Variants in ZNF560 observed in about 807,000 individuals in gnomAD.
ZNF560 encodes the protein zinc finger protein 560.
In ZNF560, 54 loss-of-function variants were observed where a neutral mutation model predicts 81.8. The observed-to-expected ratio is 0.66, with a 90% confidence interval of 0.53 to 0.83. The LOEUF is 0.83. Among genes scored for constraint, ZNF560 ranks in the 40% least tolerant of loss-of-function variants. The pLI is 0.00. For missense variants in ZNF560, 940 were observed against 932.4 expected (o/e 1.01, Z -0.11); for synonymous variants, 321 against 317.9 (o/e 1.01, Z -0.10).
chr19:9,497,625 G>C (rs929861408), intron 2 of ZNF560, among the ~76,000 whole-genome samples: 1 of 151,248 alleles, frequency 6.6e-6, no homozygotes, highest in Non-Finnish European at 1.5e-5. Context: ...ATTTATTTAC[G>C]AGACGGCGAA....
At chr19:9,463,312 T>G (rs1263610559), downstream of ZNF560, among the ~76,000 whole-genome samples, 1 of 152,194 alleles carries the variant, frequency 6.6e-6, no homozygotes, top group African/African-American at 2.4e-5. Flanking sequence ...TTCTAGGCTG[T>G]GAGACTAGGG....
chr19:9,473,530 A>G (rs2073154753), intron 4 of ZNF560, among the ~76,000 whole-genome samples: 1 of 152,080 alleles, frequency 6.6e-6, no homozygotes, highest in Non-Finnish European at 1.5e-5. Context: ...GTGAGCCGAG[A>G]TCATGCCACT....
At position 9,484,034 on chromosome 19, in the gene ZNF560, G is replaced by A. The variant is rs1021607396; in HGVS notation, c.-56-8665C>T. 7.2e-5 allele frequency among the ~76,000 whole-genome samples: 11 copies of A among 152,232 alleles called. No individual in the cohort carries two copies. The East Asian group carries it at 2.1e-3, about 29-fold the overall frequency. Reference sequence around the variant, plus strand: ...CTGAAACATGTGCTGTGTCCACTCAGGGTTAAATGGATTAAGGGTGGTGCA... The same window carrying A: ...CTGAAACATGTGCTGTGTCCACTCAAGGTTAAATGGATTAAGGGTGGTGCA... On this transcript the variant is annotated intron_variant, in intron 2 of 9. Transcript: ENST00000301480.
At chr19:9,462,130 A>G (rs2072941812), downstream of ZNF560, among the ~76,000 whole-genome samples, 1 of 152,226 alleles carries the variant, frequency 6.6e-6, no homozygotes. Context: ...TGCTGGGAAT[A>G]GGCCCCAAGC....
At chr19:9,493,253 G>A (rs114845678) in intron 2 of ZNF560, among the ~76,000 whole-genome samples, 15,535 of 152,234 alleles carry the variant, frequency 0.1, 952 homozygotes, top group South Asian at 0.2. Context: ...GCTGATTCTG[G>A]CTGAGGGCAA....
intron 2 of ZNF560, among the ~76,000 whole-genome samples, chr19:9,476,939 G>C (rs1329749967): frequency 6.6e-6 from 1 of 152,026 alleles, no homozygotes; most frequent in Admixed American, 6.5e-5. Flanking sequence ...GACATATCAG[G>C]GTAGCTTATA....
intron 8 of ZNF560, 23 bp downstream of exon 8, chr19:9,469,607 G>T: frequency 6.2e-7 from 1 of 1,607,872 alleles, no homozygotes; most frequent in Non-Finnish European, 8.5e-7. Context: ...CATGGACCAG[G>T]GTTGTTCTTC....
At chr19:9,474,157 A>C in intron 4 of ZNF560, 42 bp downstream of exon 4, 2 of 1,611,868 alleles carry the variant, frequency 1.2e-6, no homozygotes, top group Non-Finnish European at 1.7e-6. Context: ...CACAATGTAT[A>C]TCTCTTCCCT....
Position 9,467,235 on chromosome 19 carries a change from G to A in ZNF560, c.1712C>T (p.Pro571Leu), listed in dbSNP as rs894284156. 2 of 1,614,002 alleles carry A rather than the reference G, an allele frequency of 1.2e-6. No individual in the cohort carries two copies. The highest frequency in any genetic ancestry group is 1.3e-5 in the African/African-American group (1 of 74,904). ...KHLRTHAGEKPYECMKCGKAF... is the reference protein window; with the variant it reads ...KHLRTHAGEKLYECMKCGKAF... ...TTTCCCACATTTCATACATTCATAG[G>A]GTTTCTCTCCAGCGTGTGTTCGTAA... is the stretch of plus-strand genomic sequence containing the variant. The change falls in exon 10 of 10, where the codon CCC (proline) becomes CTC (leucine). Residue 571 changes from proline (P) to leucine (L), a missense_variant. Physicochemically the swap from Pro to Leu is moderately conservative, Grantham distance 98 (BLOSUM62 -3). Transcript: ENST00000301480.
chr19:9,472,013 G>A (rs1424539944), intron 5 of ZNF560, among the ~76,000 whole-genome samples: 2 of 152,062 alleles, frequency 1.3e-5, no homozygotes, highest in African/African-American at 2.4e-5. Flanking sequence ...GGGAGGCTGA[G>A]GCAGGAGAAT....
chr19:9,472,899 A>AC (rs1251099681), intron 5 of ZNF560, among the ~76,000 whole-genome samples: 1 of 151,464 alleles, frequency 6.6e-6, no homozygotes, highest in African/African-American at 2.4e-5. Flanking sequence ...CTATGACACC[A>AC]CCCCCAACTT....
At chr19:9,447,090 C>T in the ZNF560 span, among the ~76,000 whole-genome samples, 1,556 of 147,754 alleles carry the variant, frequency 0.011, 14 homozygotes, top group Non-Finnish European at 0.016. Flanking sequence ...GCCAAGATCA[C>T]GCCACTGCAT....
At chr19:9,462,076 G>A (rs1358924613), downstream of ZNF560, among the ~76,000 whole-genome samples, 1 of 152,204 alleles carries the variant, frequency 6.6e-6, no homozygotes, top group Non-Finnish European at 1.5e-5. Context: ...CTGTGATAAA[G>A]CCGCCTTTGC....
chr19:9,451,286 C>T, the ZNF560 span, among the ~76,000 whole-genome samples: 8 of 152,118 alleles, frequency 5.3e-5, no homozygotes, highest in African/African-American at 9.6e-5. Flanking sequence ...ACACATACAC[C>T]AATGGATCAA....
chr19:9,493,462 T>G (rs979952545), intron 2 of ZNF560, among the ~76,000 whole-genome samples: 1 of 152,106 alleles, frequency 6.6e-6, no homozygotes, highest in Non-Finnish European at 1.5e-5. Flanking sequence ...CCTCCCAGAT[T>G]CAAGCCATTC....
chr19:9,460,237 C>G, the ZNF560 span, among the ~76,000 whole-genome samples: 1 of 152,152 alleles, frequency 6.6e-6, no homozygotes, highest in Admixed American at 6.5e-5. Flanking sequence ...CCCCAACTGT[C>G]ACGAGCAACA....
chr19:9,458,004 T>A, the ZNF560 span, among the ~76,000 whole-genome samples: 3 of 152,210 alleles, frequency 2.0e-5, no homozygotes, highest in African/African-American at 7.2e-5. Flanking sequence ...CTACTGGTGT[T>A]ATTGTTCAAG....
chr19:9,479,424 A>C (rs1431977683), intron 2 of ZNF560, among the ~76,000 whole-genome samples: 4 of 152,190 alleles, frequency 2.6e-5, no homozygotes, highest in Non-Finnish European at 5.9e-5. Context: ...CACAGATAGA[A>C]ACCAAAAGAC....
chr19:9,483,520 G>A (rs1463534090), intron 2 of ZNF560, among the ~76,000 whole-genome samples: 45 of 147,960 alleles, frequency 3.0e-4, no homozygotes, highest in East Asian at 2.1e-4. Context: ...CAGCCGCCCC[G>A]TCCGGGAGGG....
Sources: allele counts gnomAD v4.1 joint callset (sites outside exome capture counted in the v4.1 genomes callset), GRCh38; gene constraint gnomAD v4.1.1; transcripts MANE v1.5; gene names NCBI Gene and HGNC (gene_info 2026-07-23, HGNC 2026-07-21).